Variants in RPS6KA2 observed in about 807,000 individuals in gnomAD.
The protein encoded by RPS6KA2 is ribosomal protein S6 kinase alpha-2.
A neutral mutation model predicts 91.8 loss-of-function variants in RPS6KA2; 42 were observed. The ratio of observed to expected loss-of-function variants is 0.46; its 90% CI spans 0.36 to 0.59. The LOEUF is 0.59. RPS6KA2 is among the 20% of genes least tolerant of loss of function. The pLI, the probability that RPS6KA2 is intolerant of heterozygous loss-of-function variation, is 0.00. For synonymous variants in RPS6KA2, 414 were observed against 393.6 expected (o/e 1.05, Z -0.61); for missense variants, 798 against 978.5 (o/e 0.82, Z 2.46).
intron 19 of RPS6KA2, among the ~76,000 whole-genome samples, chr6:166,417,218 CTTGT>C (rs1778563529): frequency 6.6e-6 from 1 of 152,194 alleles, no homozygotes; most frequent in African/African-American, 2.4e-5. Context: ...AAGAGCTCTA[CTTGT>C]TTGTTTGGTT....
chr6:166,477,976 GAATTGTTGGCTCT>G (rs1225003567), intron 10 of RPS6KA2, among the ~76,000 whole-genome samples: 2 of 152,244 alleles, frequency 1.3e-5, no homozygotes, highest in African/African-American at 4.8e-5. Flanking sequence ...GAATAGATCT[GAATTGTTGGCTCT>G]CATGTACGTT....
At chr6:166,621,231 C>A (rs147730076) in intron 1 of RPS6KA2, among the ~76,000 whole-genome samples, 1 of 152,172 alleles carries the variant, frequency 6.6e-6, no homozygotes, top group Non-Finnish European at 1.5e-5. Context: ...CTTGGCTGGT[C>A]GGAAACACTG....
intron 2 of RPS6KA2, among the ~76,000 whole-genome samples, chr6:166,728,359 G>A (rs1009696753): frequency 6.6e-6 from 1 of 152,194 alleles, no homozygotes; most frequent in Non-Finnish European, 1.5e-5. Flanking sequence ...TGACCTGGAC[G>A]CAGGGGTCCC....
intron 6 of RPS6KA2, among the ~76,000 whole-genome samples, chr6:166,501,737 T>A (rs10946175): frequency 1.3e-5 from 2 of 152,136 alleles, no homozygotes; most frequent in Non-Finnish European, 2.9e-5. Context: ...CCCTAAACTT[T>A]CCCCATTTAT....
chr6:166,717,304 G>A (rs1429361371), intron 2 of RPS6KA2, among the ~76,000 whole-genome samples: 8 of 152,174 alleles, frequency 5.3e-5, no homozygotes, highest in South Asian at 2.1e-4. Flanking sequence ...TGTATTCCCC[G>A]CAACAGAGAG....
intron 1 of RPS6KA2, among the ~76,000 whole-genome samples, chr6:166,566,675 C>T (rs761741461): frequency 5.1e-4 from 77 of 152,232 alleles, no homozygotes; most frequent in Non-Finnish European, 9.1e-4. Flanking sequence ...TGGAATCTCC[C>T]CAAGCCTCTT....
At chr6:166,621,985 C>T (rs1786653794) in intron 1 of RPS6KA2, among the ~76,000 whole-genome samples, 1 of 152,176 alleles carries the variant, frequency 6.6e-6, no homozygotes, top group Non-Finnish European at 1.5e-5. Flanking sequence ...ATGTGAGAAA[C>T]AGAATGAAAT....
intron 1 of RPS6KA2, among the ~76,000 whole-genome samples, chr6:166,605,561 T>C (rs1267661120): frequency 6.6e-6 from 1 of 152,164 alleles, no homozygotes; most frequent in East Asian, 1.9e-4. Flanking sequence ...CCATGTGACA[T>C]TAGAACAAAA....
chr6:166,505,476 C>G (rs1450153525), intron 5 of RPS6KA2, among the ~76,000 whole-genome samples: 2 of 152,320 alleles, frequency 1.3e-5, no homozygotes, highest in African/African-American at 4.8e-5. Context: ...TGACCACAAG[C>G]CATTTTCTAT....
At chr6:166,597,562 A>G (rs1203651066) in intron 1 of RPS6KA2, among the ~76,000 whole-genome samples, 1 of 152,202 alleles carries the variant, frequency 6.6e-6, no homozygotes, top group Non-Finnish European at 1.5e-5. Flanking sequence ...ATAAAGATAG[A>G]GGAGACATTT....
rs1167550999 is a variant in RPS6KA2 at position 166,451,108 on chromosome 6, C to T, written c.1201G>A (p.Val401Met). The change falls in exon 13 of 21, where the codon GTG (valine) becomes ATG (methionine). Residue 401 changes from valine (V) to methionine (M), a missense_variant. Transcript: ENST00000265678. ...DLHKVPVHPI[V>M]QQLHGNNIHF... ...CTGCAGGCAAACACAGTTACCTGCA[C>T]GATTGGGTGAACTGGGACTTTGTGC... is the stretch of plus-strand genomic sequence containing the variant. The T allele has an allele frequency of 3.7e-6, 6 of 1,614,020 alleles. No homozygotes were observed. Among genetic ancestry groups the T allele is most frequent in the Non-Finnish European group, 5.1e-6 (6 of 1,179,944 alleles).
At chr6:166,717,519 G>T (rs564883128) in intron 2 of RPS6KA2, among the ~76,000 whole-genome samples, 1 of 152,352 alleles carries the variant, frequency 6.6e-6, no homozygotes, top group South Asian at 2.1e-4. Flanking sequence ...GAGAGCTGGG[G>T]TTCCAAGGAA....
At chr6:166,599,337 TG>T (rs1455773408) in intron 1 of RPS6KA2, among the ~76,000 whole-genome samples, 1 of 152,164 alleles carries the variant, frequency 6.6e-6, no homozygotes, top group Non-Finnish European at 1.5e-5. Flanking sequence ...TGGGTAGGTG[TG>T]GGGAAAATGG....
At chr6:166,611,881 C>G (rs1188255477) in intron 1 of RPS6KA2, among the ~76,000 whole-genome samples, 1 of 152,222 alleles carries the variant, frequency 6.6e-6, no homozygotes, top group Non-Finnish European at 1.5e-5. Flanking sequence ...CAACCCTGAG[C>G]TCATCCCTGT....
At chr6:166,688,843 T>A (rs1379491286) in intron 2 of RPS6KA2, among the ~76,000 whole-genome samples, 1 of 152,202 alleles carries the variant, frequency 6.6e-6, no homozygotes, top group Non-Finnish European at 1.5e-5. Context: ...AGTTTCCTCA[T>A]CTGCAAAATG....
intron 2 of RPS6KA2, among the ~76,000 whole-genome samples, chr6:166,857,050 T>C (rs1168929040): frequency 1.3e-5 from 2 of 152,216 alleles, no homozygotes. Context: ...GGCAGCTGAA[T>C]GCCATTTTTC....
intron 2 of RPS6KA2, among the ~76,000 whole-genome samples, chr6:166,687,802 G>A (rs767853782): frequency 1.1e-4 from 17 of 152,206 alleles, no homozygotes; most frequent in Non-Finnish European, 2.2e-4. Context: ...TGCTCAATGC[G>A]TGTGCACAGA....
In RPS6KA2 at chr6:166,821,647, C is replaced by G. The variant is rs1779907087; in HGVS notation, c.123+36553G>C. On this transcript the variant is annotated intron_variant, in intron 2 of 21. Transcript: ENST00000503859. The surrounding 1 kb of genome is among the most constrained non-coding windows in gnomAD (Gnocchi z 4.1). ...TTATTCCCTTTCACTATTGCTGTGCCCCAGATTTCCACTCGGAGCCCTCAT... is the reference window on the plus strand; with the variant it reads ...TTATTCCCTTTCACTATTGCTGTGCGCCAGATTTCCACTCGGAGCCCTCAT... Among the ~76,000 whole-genome samples, 2 of 152,072 alleles carry G rather than the reference C, an allele frequency of 1.3e-5. No homozygotes were observed. The highest frequency in any genetic ancestry group is 2.9e-5 in the Non-Finnish European group (2 of 67,996).
At chr6:166,801,945 T>TA (rs869037579) in intron 2 of RPS6KA2, among the ~76,000 whole-genome samples, 5 of 147,390 alleles carry the variant, frequency 3.4e-5, no homozygotes, top group South Asian at 2.1e-4. Context: ...AGAGGAAAAT[T>TA]AAAAAAAAAA....
Sources: gnomAD v4.1 joint callset for allele counts (sites outside exome capture counted in the v4.1 genomes callset) on GRCh38, gnomAD v4.1.1 for gene constraint, Gnocchi (gnomAD v3.1) non-coding constraint, MANE v1.5 for transcripts, NCBI Gene and HGNC (gene_info 2026-07-23, HGNC 2026-07-21) for gene names.